The following TRPM3 variants were observed in gnomAD, a reference collection of about 807,000 sequenced individuals.
The protein encoded by TRPM3 is long transient receptor potential channel 3.
In TRPM3, 77 loss-of-function variants were observed where a neutral mutation model predicts 181.2. The ratio of observed to expected loss-of-function variants is 0.42; its 90% CI spans 0.35 to 0.51. The LOEUF (loss-of-function observed/expected upper bound fraction) is 0.51, where lower values mean the gene tolerates loss of function less well. TRPM3 is among the 20% of genes least tolerant of loss of function. The pLI, the probability that TRPM3 is intolerant of heterozygous loss-of-function variation, is 0.01. For synonymous variants in TRPM3, 745 were observed against 796.4 expected (o/e 0.94, Z 1.09); for missense variants, 1,759 against 2,196.7 (o/e 0.80, Z 3.98).
chr9:70,993,648 G>A (rs1016460165), intron 1 of TRPM3, among the ~76,000 whole-genome samples: 8 of 152,050 alleles, frequency 5.3e-5, no homozygotes, highest in African/African-American at 1.7e-4. Flanking sequence ...TTACCAAGTC[G>A]AGATGGTCTT....
At chr9:71,238,755 G>A (rs762004053) in intron 1 of TRPM3, among the ~76,000 whole-genome samples, 37 of 152,202 alleles carry the variant, frequency 2.4e-4, no homozygotes, top group Non-Finnish European at 4.4e-4. Context: ...AAGGGTAAGG[G>A]GGATTTCTTG....
At chr9:71,438,521 A>T (rs2094083895) in intron 1 of TRPM3, among the ~76,000 whole-genome samples, 2 of 151,988 alleles carry the variant, frequency 1.3e-5, no homozygotes, top group African/African-American at 4.8e-5. Flanking sequence ...AAAAATATAA[A>T]AATTAGCAGG....
chr9:71,446,638 C>T (rs1311880876), intron 1 of TRPM3: 18 of 1,548,552 alleles, frequency 1.2e-5, no homozygotes, highest in Non-Finnish European at 1.4e-5. Flanking sequence ...CTGGGGCTCT[C>T]CCCCGGCCAC....
intron 1 of TRPM3, among the ~76,000 whole-genome samples, chr9:71,220,981 G>A (rs1424401211): frequency 1.3e-5 from 2 of 152,084 alleles, no homozygotes; most frequent in African/African-American, 4.8e-5. Context: ...TTAATTCCAA[G>A]GTAGTACAAT....
At chr9:71,113,021 A>G (rs939531100) in intron 1 of TRPM3, among the ~76,000 whole-genome samples, 2 of 152,238 alleles carry the variant, frequency 1.3e-5, no homozygotes, top group African/African-American at 4.8e-5. Context: ...GGCAGAGGCC[A>G]GATCACCTTG....
intron 12 of TRPM3, among the ~76,000 whole-genome samples, chr9:70,628,852 G>A (rs904614757): frequency 1.5e-5 from 2 of 129,502 alleles, no homozygotes; most frequent in African/African-American, 5.4e-5. Flanking sequence ...ATTAAAATGT[G>A]GGTAATACCA....
At chr9:71,410,636 A>T (rs1203101750) in intron 1 of TRPM3, among the ~76,000 whole-genome samples, 1 of 152,176 alleles carries the variant, frequency 6.6e-6, no homozygotes, top group Non-Finnish European at 1.5e-5. Context: ...AACCAAAAAA[A>T]ATCCAGGCCC....
intron 3 of TRPM3, among the ~76,000 whole-genome samples, chr9:70,858,011 G>T (rs1238121176): frequency 1.3e-5 from 2 of 152,144 alleles, no homozygotes; most frequent in African/African-American, 4.8e-5. Flanking sequence ...CAGAGATGTG[G>T]CTCACATGGC....
intron 5 of TRPM3, among the ~76,000 whole-genome samples, chr9:70,831,938 T>A (rs1172873269): frequency 1.5e-5 from 2 of 137,290 alleles, no homozygotes; most frequent in Non-Finnish European, 3.1e-5. Flanking sequence ...CATGTCTGTA[T>A]CAAAACATTT....
At chr9:70,929,235 T>A (rs1347775524) in intron 1 of TRPM3, among the ~76,000 whole-genome samples, 1 of 151,930 alleles carries the variant, frequency 6.6e-6, no homozygotes, top group African/African-American at 2.4e-5. Context: ...TAAGTCTCAC[T>A]CTATTGCCCA....
intron 1 of TRPM3, among the ~76,000 whole-genome samples, chr9:70,897,064 TCAAA>T (rs1288112474): frequency 7.0e-6 from 1 of 142,118 alleles, no homozygotes; most frequent in African/African-American, 2.6e-5. Context: ...ATTCATCACC[TCAAA>T]CATTTATCAT....
chr9:71,203,810 C>G (rs1024931354), intron 1 of TRPM3, among the ~76,000 whole-genome samples: 5 of 152,128 alleles, frequency 3.3e-5, no homozygotes, highest in African/African-American at 1.2e-4. Flanking sequence ...CCTCCTCCAC[C>G]TCCTTCTTTT....
At chr9:70,640,954 T>C (rs1202628215) in intron 9 of TRPM3, among the ~76,000 whole-genome samples, 1 of 152,228 alleles carries the variant, frequency 6.6e-6, no homozygotes, top group Admixed American at 6.5e-5. Flanking sequence ...TACATGTTTA[T>C]GGTATGCATG....
intron 7 of TRPM3, among the ~76,000 whole-genome samples, chr9:70,767,089 C>G (rs2135382977): frequency 6.6e-6 from 1 of 152,312 alleles, no homozygotes; most frequent in Non-Finnish European, 1.5e-5. Context: ...CACGAAGTAG[C>G]ACAACTAGTG....
At chr9:71,266,961 A>C (rs719859) in intron 1 of TRPM3, among the ~76,000 whole-genome samples, 35,049 of 102,100 alleles carry the variant, frequency 0.34, 4,314 homozygotes, top group Non-Finnish European at 0.38. Flanking sequence ...TTCTCTGGCC[A>C]AAAAAAAAAA....
chr9:70,742,525 C>T (rs1332367810), intron 8 of TRPM3, among the ~76,000 whole-genome samples: 1 of 152,124 alleles, frequency 6.6e-6, no homozygotes, highest in Non-Finnish European at 1.5e-5. Flanking sequence ...AGAACTTATT[C>T]CCCCTACCTA....
intron 1 of TRPM3, among the ~76,000 whole-genome samples, chr9:70,971,185 T>C (rs182513903): frequency 6.6e-6 from 1 of 152,262 alleles, no homozygotes; most frequent in Admixed American, 6.5e-5. Flanking sequence ...ATTATGGATC[T>C]GTATAATAAA....
At chr9:71,104,756 TC>T (rs1450888228) in intron 1 of TRPM3, among the ~76,000 whole-genome samples, 1 of 152,140 alleles carries the variant, frequency 6.6e-6, no homozygotes, top group Non-Finnish European at 1.5e-5. Context: ...ATCACATTAC[TC>T]ATTAGGGAAA....
intron 1 of TRPM3, among the ~76,000 whole-genome samples, chr9:71,432,672 T>C (rs574714954): frequency 6.6e-6 from 1 of 152,180 alleles, no homozygotes; most frequent in Non-Finnish European, 1.5e-5. Context: ...CTGTCGATAA[T>C]TTAGAACATG....
Sources: gnomAD v4.1 joint callset for allele counts (sites outside exome capture counted in the v4.1 genomes callset) on GRCh38, gnomAD v4.1.1 for gene constraint, MANE v1.5 for transcripts, NCBI Gene and HGNC (gene_info 2026-07-23, HGNC 2026-07-21) for gene names.